The following EHMT1 variants were observed in gnomAD, a reference collection of about 807,000 sequenced individuals.
EHMT1 encodes histone-lysine N-methyltransferase EHMT1.
A neutral mutation model predicts 147.2 loss-of-function variants in EHMT1; 15 were observed. That is an observed-to-expected ratio of 0.10 (90% CI 0.07 to 0.16). The LOEUF is 0.16. EHMT1 is among the 10% of genes least tolerant of loss of function. The pLI is 1.00. For missense variants in EHMT1, 1,587 were observed against 1,772.4 expected, an observed-to-expected ratio of 0.90 and a Z score of 1.88; for synonymous variants, 795 against 709.6, an observed-to-expected ratio of 1.12 and a Z score of -1.91.
chr9:137,823,925 C>G (rs539840040), intron 25 of EHMT1, among the ~76,000 whole-genome samples: 1 of 152,326 alleles, frequency 6.6e-6, no homozygotes, highest in South Asian at 2.1e-4. Flanking sequence ...TCTTCTGACT[C>G]TGATGTACAT....
Position 137,731,812 on chromosome 9 carries a change from G to A in EHMT1, c.823+3283G>A, listed in dbSNP as rs544987528. Among the ~76,000 whole-genome samples, 1 of 152,342 alleles carries A rather than the reference G, an allele frequency of 6.6e-6. No individual in the cohort carries two copies. Among genetic ancestry groups the A allele is most frequent in the African/African-American group, 2.4e-5 (1 of 41,580 alleles). On this transcript the variant is annotated intron_variant, in intron 4 of 26. Coordinates refer to ENST00000460843, the MANE Select transcript of EHMT1 (RefSeq NM_024757.5). The surrounding 1 kb of genome is among the most constrained non-coding windows in gnomAD (Gnocchi z 4.3). ...GCGTGTGTTGACGAGCAAGCATGGT[G>A]TGGGGCCACTGTGCACAGCCAGGCC...
chr9:137,781,110 CTGAGATGTGTGGTGATGA>C (rs1292808711), intron 14 of EHMT1, among the ~76,000 whole-genome samples: 11 of 41,418 alleles, frequency 2.7e-4, no homozygotes, highest in Admixed American at 4.3e-4. Context: ...GGTGATGACG[CTGAGATGTGTGGTGATGA>C]CGGCATCACT....
At chr9:137,658,150 A>G (rs1938677834) in intron 1 of EHMT1, among the ~76,000 whole-genome samples, 2 of 152,032 alleles carry the variant, frequency 1.3e-5, no homozygotes, top group Admixed American at 1.3e-4. Context: ...GGCTCTTCCT[A>G]TCCAGAATGG....
intron 1 of EHMT1, among the ~76,000 whole-genome samples, chr9:137,628,199 C>G (rs1055344483): frequency 2.0e-5 from 3 of 152,168 alleles, no homozygotes; most frequent in African/African-American, 7.2e-5. Context: ...GTCAGTCTGC[C>G]AGCTGCTCAG....
intron 1 of EHMT1, among the ~76,000 whole-genome samples, chr9:137,665,661 C>A (rs1939556044): frequency 6.6e-6 from 1 of 152,168 alleles, no homozygotes; most frequent in South Asian, 2.1e-4. Flanking sequence ...TCCTGAGAGG[C>A]CCTACGAGCA....
intron 10 of EHMT1, among the ~76,000 whole-genome samples, chr9:137,768,585 T>C (rs1410687526): frequency 2.6e-5 from 3 of 113,318 alleles, no homozygotes; most frequent in African/African-American, 1.1e-4. Context: ...AGTCTTGCTC[T>C]GTCGCCCAGG....
chr9:137,739,073 T>TAA (rs775002104), intron 4 of EHMT1, among the ~76,000 whole-genome samples: 71 of 139,570 alleles, frequency 5.1e-4, no homozygotes, highest in African/African-American at 1.4e-3. Context: ...ATTTTACTAG[T>TAA]AAAAAAAAAA....
intron 7 of EHMT1, among the ~76,000 whole-genome samples, chr9:137,753,549 C>T (rs1304071923): frequency 1.3e-5 from 2 of 152,150 alleles, no homozygotes; most frequent in African/African-American, 4.8e-5. Context: ...AGTTGGTCAG[C>T]GAGGCCCACG....
At chr9:137,727,845 CAT>C (rs1946768202) in intron 3 of EHMT1, among the ~76,000 whole-genome samples, 1 of 152,248 alleles carries the variant, frequency 6.6e-6, no homozygotes, top group African/African-American at 2.4e-5. Flanking sequence ...TAACACACAA[CAT>C]AGTTACCTAC....
At chr9:137,783,149 T>A (rs749195737) in intron 15 of EHMT1, among the ~76,000 whole-genome samples, 7 of 152,256 alleles carry the variant, frequency 4.6e-5, no homozygotes, top group Non-Finnish European at 1.0e-4. Context: ...TTGGTGCATG[T>A]GCTGTGCCCT....
At chr9:137,730,194 T>C (rs953574333) in intron 4 of EHMT1, among the ~76,000 whole-genome samples, 2 of 152,216 alleles carry the variant, frequency 1.3e-5, no homozygotes, top group African/African-American at 4.8e-5. Flanking sequence ...TTTGTCCATC[T>C]TCAAGTTACT....
At chr9:137,762,536 C>A in intron 9 of EHMT1, 139 bp from the exon 10 acceptor site, 2 of 1,444,470 alleles carry the variant, frequency 1.4e-6, no homozygotes, top group Non-Finnish European at 1.9e-6. Flanking sequence ...CCACGCAGGG[C>A]TGTTTGTGCT....
At chr9:137,648,994 G>GGATCCATTTGCCA (rs1221279151) in intron 1 of EHMT1, among the ~76,000 whole-genome samples, 1 of 152,204 alleles carries the variant, frequency 6.6e-6, no homozygotes, top group Non-Finnish European at 1.5e-5. Context: ...CACCCAAAAA[G>GGATCCATTTGCCA]CCAGAGACTG....
intron 10 of EHMT1, among the ~76,000 whole-genome samples, chr9:137,770,664 C>T (rs1473146715): frequency 6.6e-6 from 1 of 152,200 alleles, no homozygotes; most frequent in East Asian, 1.9e-4. Flanking sequence ...GGGTTCGCTT[C>T]CCTCCCAGCC....
chr9:137,796,858 C>T lies in EHMT1; in HGVS notation c.2506-1955C>T, dbSNP rs568972052. The stretch of plus-strand genomic sequence containing the variant: ...CTTACAGTCACTGAATTCCATACAA[C>T]GTAACAGGTGGAAAAGACTGACGGG... On this transcript the variant is annotated intron_variant, in intron 16 of 26. Transcript: ENST00000460843. 2.2e-4 allele frequency among the ~76,000 whole-genome samples: 30 copies of T among 133,744 alleles called. No individual in the cohort carries two copies. In the South Asian group the frequency reaches 6.5e-3, roughly 29 times the overall value. The allele number at this position is 133,744 out of a possible 152,430, so 87.7% of individuals were successfully genotyped here.
At chr9:137,833,035 C>G (rs1308411948) in intron 25 of EHMT1, 1 of 152,344 alleles carries the variant, frequency 6.6e-6, no homozygotes, top group South Asian at 2.1e-4. Context: ...TCCTGTCCTG[C>G]GGCCGTGCTC....
Position 137,777,899 on chromosome 9 carries a change from T to G in EHMT1, c.2036T>G (p.Leu679Arg), listed in dbSNP as rs756261023. ...CCCTGAAGTGCTGCCGGGCCACCAC[T>G]CTCGGAGGACGACAAGCTGCAGGGT... is the stretch of plus-strand genomic sequence containing the variant. ...TTTGSAAGPP[L>R]SEDDKLQGAA... Residue 679 changes from leucine to arginine, a missense_variant, in exon 13 of 27, where the codon CTC becomes CGC. Transcript: ENST00000460843. The G allele has an allele frequency of 6.2e-7, 1 of 1,613,178 alleles. No homozygotes were observed. The highest frequency in any genetic ancestry group is 1.3e-5 in the African/African-American group (1 of 74,840).
chr9:137,781,269 C>T (rs375252149), intron 14 of EHMT1, among the ~76,000 whole-genome samples: 4 of 112,194 alleles, frequency 3.6e-5, no homozygotes, highest in Non-Finnish European at 5.3e-5. Context: ...GACGCTGGGA[C>T]GTGTGGTGAT....
intron 1 of EHMT1, among the ~76,000 whole-genome samples, chr9:137,671,774 A>G (rs1233802240): frequency 6.6e-6 from 1 of 152,046 alleles, no homozygotes; most frequent in Non-Finnish European, 1.5e-5. Flanking sequence ...GCTTTCCACC[A>G]GCCTTGGCCT....
Sources: allele counts gnomAD v4.1 joint callset (sites outside exome capture counted in the v4.1 genomes callset), GRCh38; gene constraint gnomAD v4.1.1; non-coding constraint Gnocchi (gnomAD v3.1); transcripts MANE v1.5; gene names NCBI Gene and HGNC (gene_info 2026-07-23, HGNC 2026-07-21).